GSG1L: variants seen among roughly 807,000 people sequenced by gnomAD.
GSG1L encodes germ cell-specific gene 1-like protein.
A neutral mutation model predicts 42.1 loss-of-function variants in GSG1L; 24 were observed. The observed-to-expected ratio is 0.57, with a 90% CI of 0.41 to 0.80. GSG1L has a LOEUF of 0.80. GSG1L is among the 30% of genes least tolerant of loss of function. The pLI is 0.00. For synonymous variants in GSG1L, 215 were observed against 203.5 expected (o/e 1.06, Z -0.48); for missense variants, 445 against 472.2 (o/e 0.94, Z 0.53).
intron 4 of GSG1L, among the ~76,000 whole-genome samples, chr16:27,832,227 C>A (rs2083281556): frequency 6.6e-6 from 1 of 152,102 alleles, no homozygotes; most frequent in Admixed American, 6.6e-5. Context: ...AGAGAGAACC[C>A]ATGTGCCCTT....
intron 1 of GSG1L, among the ~76,000 whole-genome samples, chr16:27,977,105 T>C (rs932941252): frequency 2.0e-5 from 3 of 152,246 alleles, no homozygotes; most frequent in African/African-American, 7.2e-5. Context: ...TTGGCGTTCA[T>C]CACAGCAATG....
intron 4 of GSG1L, among the ~76,000 whole-genome samples, chr16:27,842,830 G>A (rs1323155751): frequency 6.6e-6 from 1 of 152,136 alleles, no homozygotes; most frequent in African/African-American, 2.4e-5. Flanking sequence ...GCTCCATTCT[G>A]AGATGCTCTC....
intron 3 of GSG1L, among the ~76,000 whole-genome samples, chr16:27,854,022 A>G (rs1251171504): frequency 1.3e-5 from 2 of 152,226 alleles, no homozygotes; most frequent in East Asian, 3.9e-4. Context: ...AGAGAACAGG[A>G]GCCCAATTTG....
chr16:28,012,757 G>T (rs1054314181), intron 1 of GSG1L, among the ~76,000 whole-genome samples: 2 of 151,836 alleles, frequency 1.3e-5, no homozygotes, highest in Non-Finnish European at 2.9e-5. Context: ...AATTATCGAG[G>T]GTGGCAGCAT....
At chr16:27,886,182 G>A (rs2084026654) in intron 2 of GSG1L, among the ~76,000 whole-genome samples, 1 of 152,180 alleles carries the variant, frequency 6.6e-6, no homozygotes, top group African/African-American at 2.4e-5. Context: ...GCTCATGCCT[G>A]TAATCCCAGC....
chr16:27,799,816 A>G (rs534105824), intron 6 of GSG1L, among the ~76,000 whole-genome samples: 1 of 152,254 alleles, frequency 6.6e-6, no homozygotes, highest in Admixed American at 6.5e-5. Flanking sequence ...AGAAGCAGCA[A>G]TTTCCATCTA....
In GSG1L at chr16:28,047,660, T is replaced by G. The variant is rs570208637; in HGVS notation, c.349+15416A>C. Reference sequence around the variant, plus strand: ...GAAAGCAGGGATAGCAATATTAAAATATGAAAAAAATAGGATGCAAAGTAA... The same window carrying G: ...GAAAGCAGGGATAGCAATATTAAAAGATGAAAAAAATAGGATGCAAAGTAA... On this transcript the variant is annotated intron_variant, in intron 1 of 6. Coordinates refer to ENST00000447459, the MANE Select transcript of GSG1L (RefSeq NM_001109763.2). Among the ~76,000 whole-genome samples, 6 of 152,070 alleles carry G rather than the reference T, an allele frequency of 3.9e-5. No individual in the cohort carries two copies. The East Asian group carries it at 1.2e-3, about 29-fold the overall frequency.
At chr16:27,807,837 A>G (rs1881197461) in intron 5 of GSG1L, among the ~76,000 whole-genome samples, 2 of 152,232 alleles carry the variant, frequency 1.3e-5, no homozygotes. Flanking sequence ...CAAACCCATC[A>G]TTCTGTCAAA....
intron 3 of GSG1L, among the ~76,000 whole-genome samples, chr16:27,867,844 C>T (rs947040982): frequency 7.2e-5 from 11 of 152,148 alleles, no homozygotes; most frequent in Non-Finnish European, 1.3e-4. Context: ...CTGGCCACGC[C>T]CCTCAAAGTC....
chr16:28,030,975 G>A (rs1436728795), intron 1 of GSG1L, among the ~76,000 whole-genome samples: 1 of 145,198 alleles, frequency 6.9e-6, no homozygotes, highest in Non-Finnish European at 1.5e-5. Context: ...GGATGGGTTG[G>A]GATGGGTTGC....
intron 2 of GSG1L, among the ~76,000 whole-genome samples, chr16:27,895,409 C>T (rs144543025): frequency 2.0e-5 from 3 of 152,126 alleles, no homozygotes; most frequent in Admixed American, 2.0e-4. Context: ...AGCCTTGTCT[C>T]CCTATACGAC....
rs753737858 is a variant in GSG1L at position 27,828,830 on chromosome 16, C to G, written c.789G>C (p.Pro263=). The change falls in exon 5 of 7, where the codon CCG becomes CCC. Residue 263 remains proline, a synonymous_variant. Transcript: ENST00000447459. The stretch of plus-strand genomic sequence containing the variant: ...TGATGGCCTCAGGGTCTATGAAGGT[C>G]GGCTCTTCCCGGTAGCCCTGCTCAA... ...KVFEQGYREE[P]TFIDPEAIKY... 1.2e-6 allele frequency: 2 copies of G among 1,614,020 alleles called. No individual in the cohort carries two copies. Among genetic ancestry groups the G allele is most frequent in the Admixed American group, 3.3e-5 (2 of 59,994 alleles).
intron 5 of GSG1L, among the ~76,000 whole-genome samples, chr16:27,808,971 G>A (rs536560377): frequency 2.6e-4 from 39 of 152,298 alleles, no homozygotes; most frequent in Admixed American, 6.5e-4. Context: ...GGCTGGGCCC[G>A]AGAACCGGTG....
rs991629920 is a variant in GSG1L, at chr16:27,822,506, C to T, written c.830+6283G>A. Among the ~76,000 whole-genome samples the T allele has an allele frequency of 2.0e-5, 3 of 152,230 alleles. No individual in the cohort carries two copies. In the East Asian group the frequency reaches 5.8e-4, roughly 29 times the overall value. Reference sequence around the variant, plus strand: ...ATCATAGCTCGCTGAAGCCTTGATCCCCCGGACTCAAGTGATCCTCCCACC... The same window carrying T: ...ATCATAGCTCGCTGAAGCCTTGATCTCCCGGACTCAAGTGATCCTCCCACC... On this transcript the variant is annotated intron_variant, in intron 5 of 6. Transcript: ENST00000447459.
At chr16:28,015,688 T>G (rs937952344) in intron 1 of GSG1L, among the ~76,000 whole-genome samples, 1 of 152,198 alleles carries the variant, frequency 6.6e-6, no homozygotes, top group Admixed American at 6.5e-5. Flanking sequence ...ATGAGGAAAG[T>G]GTGTCCATAC....
At chr16:27,843,471 C>T (rs1468393700) in intron 4 of GSG1L, among the ~76,000 whole-genome samples, 1 of 143,078 alleles carries the variant, frequency 7.0e-6, no homozygotes, top group Non-Finnish European at 1.5e-5. Flanking sequence ...GGAAGTCTGG[C>T]ACTCCAGCCT....
intron 1 of GSG1L, among the ~76,000 whole-genome samples, chr16:28,006,798 G>A (rs372074339): frequency 7.2e-5 from 11 of 152,154 alleles, no homozygotes; most frequent in African/African-American, 1.9e-4. Flanking sequence ...CAAGCCCTCC[G>A]GTGGGAGACC....
chr16:28,006,987 C>A (rs532419442), intron 1 of GSG1L, among the ~76,000 whole-genome samples: 1 of 152,314 alleles, frequency 6.6e-6, no homozygotes, highest in Admixed American at 6.5e-5. Flanking sequence ...GTCAGGGAGA[C>A]ACTGAGAGCC....
chr16:27,858,524 T>C (rs544153863), intron 3 of GSG1L, among the ~76,000 whole-genome samples: 1 of 152,352 alleles, frequency 6.6e-6, no homozygotes, highest in South Asian at 2.1e-4. Flanking sequence ...TCAGCAAATA[T>C]TTATTAAGCA....
Sources: gnomAD v4.1 joint callset for allele counts (sites outside exome capture counted in the v4.1 genomes callset) on GRCh38, gnomAD v4.1.1 for gene constraint, MANE v1.5 for transcripts, NCBI Gene and HGNC (gene_info 2026-07-23, HGNC 2026-07-21) for gene names.